LHFPL6: variants seen among roughly 807,000 people sequenced by gnomAD.
LHFPL6 encodes LHFPL tetraspan subfamily member 6, also known as LHFPL tetraspan subfamily member 6 protein.
LHFPL6 carries 9 observed loss-of-function variants against 20.6 expected under a neutral mutation model. That is an observed-to-expected ratio of 0.44 (90% confidence interval 0.26 to 0.76). The LOEUF is 0.76. Among genes scored for constraint, LHFPL6 ranks in the 30% least tolerant of loss-of-function variants. LHFPL6 has a pLI of 0.20. For missense variants in LHFPL6, 218 were observed against 253.5 expected, an observed-to-expected ratio of 0.86 and a Z score of 0.95; for synonymous variants, 105 against 98.7, an observed-to-expected ratio of 1.06 and a Z score of -0.38.
chr13:39,513,307 C>A (rs1417213972), intron 2 of LHFPL6, among the ~76,000 whole-genome samples: 1 of 152,144 alleles, frequency 6.6e-6, no homozygotes, highest in African/African-American at 2.4e-5. Context: ...TGACCTAAAA[C>A]AATTATTGTG....
chr13:39,419,133 C>T (rs149234563), intron 2 of LHFPL6, among the ~76,000 whole-genome samples: 149 of 152,302 alleles, frequency 9.8e-4, no homozygotes, highest in African/African-American at 3.4e-3. Flanking sequence ...TACTTAGCTT[C>T]TGGAGACAGC....
chr13:39,538,190 A>G (rs1409215382), intron 2 of LHFPL6, among the ~76,000 whole-genome samples: 1 of 151,596 alleles, frequency 6.6e-6, no homozygotes, highest in Non-Finnish European at 1.5e-5. Flanking sequence ...GGGTTTCACC[A>G]TGTTGGGCAG....
At chr13:39,447,519 T>C (rs9576803) in intron 2 of LHFPL6, among the ~76,000 whole-genome samples, 6,065 of 152,274 alleles carry the variant, frequency 0.04, 258 homozygotes, top group East Asian at 0.15. Context: ...ATACTGTGTG[T>C]CCTAAATGAA....
intron 2 of LHFPL6, among the ~76,000 whole-genome samples, chr13:39,440,949 G>T (rs1357048481): frequency 6.6e-6 from 1 of 151,952 alleles, no homozygotes; most frequent in East Asian, 1.9e-4. Flanking sequence ...CGCCATGTTA[G>T]ATGTGCCTTT....
chr13:39,494,842 A>C (rs1453751754), intron 2 of LHFPL6, among the ~76,000 whole-genome samples: 1 of 152,202 alleles, frequency 6.6e-6, no homozygotes, highest in Admixed American at 6.5e-5. Context: ...TCTCTGACTG[A>C]GATTATGGGC....
At chr13:39,497,406 G>T (rs544724779) in intron 2 of LHFPL6, among the ~76,000 whole-genome samples, 41 of 152,242 alleles carry the variant, frequency 2.7e-4, no homozygotes, top group South Asian at 1.7e-3. Context: ...CAGAGAGAAC[G>T]CTCCTATTTA....
intron 2 of LHFPL6, among the ~76,000 whole-genome samples, chr13:39,513,569 G>A (rs1001500162): frequency 1.3e-5 from 2 of 152,196 alleles, no homozygotes; most frequent in Non-Finnish European, 2.9e-5. Context: ...AAGCCATGGA[G>A]AAATGTCAAA....
chr13:39,555,248 A>T (rs866046156), intron 2 of LHFPL6, among the ~76,000 whole-genome samples: 60 of 152,022 alleles, frequency 3.9e-4, no homozygotes, highest in African/African-American at 1.4e-3. Flanking sequence ...TCTGTCTGAC[A>T]TATTGGGCAG....
intron 2 of LHFPL6, among the ~76,000 whole-genome samples, chr13:39,593,371 CAA>C (rs927287857): frequency 8.8e-4 from 134 of 152,240 alleles, no homozygotes; most frequent in African/African-American, 3.0e-3. Flanking sequence ...ACAATTGCTT[CAA>C]AGAGAATAAA....
intron 2 of LHFPL6, among the ~76,000 whole-genome samples, chr13:39,560,766 C>A (rs1871453515): frequency 6.6e-6 from 1 of 152,096 alleles, no homozygotes; most frequent in Non-Finnish European, 1.5e-5. Flanking sequence ...CCGCCCACCT[C>A]GGCCTCCCAA....
chr13:39,419,649 G>T (rs1338805391), intron 2 of LHFPL6, among the ~76,000 whole-genome samples: 2 of 151,962 alleles, frequency 1.3e-5, no homozygotes, highest in African/African-American at 2.4e-5. Context: ...TTTTTTTAAA[G>T]GTTTTAATCA....
chr13:39,347,436 G>C (rs1869439864), intron 3 of LHFPL6, among the ~76,000 whole-genome samples: 2 of 152,236 alleles, frequency 1.3e-5, no homozygotes. Context: ...AGTAAGTCTA[G>C]CATTTTAAGA....
At chr13:39,359,207 A>G (rs1167424137) in intron 3 of LHFPL6, among the ~76,000 whole-genome samples, 1 of 152,148 alleles carries the variant, frequency 6.6e-6, no homozygotes, top group East Asian at 1.9e-4. Context: ...ACTGTGAAGA[A>G]AAGGGAAATT....
chr13:39,414,657 T>A (rs181808600), intron 2 of LHFPL6, among the ~76,000 whole-genome samples: 8 of 151,762 alleles, frequency 5.3e-5, no homozygotes, highest in African/African-American at 1.2e-4. Flanking sequence ...TGTGGGCTTA[T>A]TTTTTTTGCC....
At chr13:39,426,324 G>A (rs1328010558) in intron 2 of LHFPL6, among the ~76,000 whole-genome samples, 2 of 151,348 alleles carry the variant, frequency 1.3e-5, no homozygotes, top group African/African-American at 4.9e-5. Context: ...GGGTTCAAGC[G>A]ATTCTCCTGC....
intron 2 of LHFPL6, among the ~76,000 whole-genome samples, chr13:39,483,432 T>A (rs1328689777): frequency 6.6e-6 from 1 of 151,598 alleles, no homozygotes; most frequent in African/African-American, 2.4e-5. Context: ...ATGTCATATA[T>A]ACAAAAACAA....
intron 2 of LHFPL6, among the ~76,000 whole-genome samples, chr13:39,472,933 C>T (rs1872987294): frequency 6.6e-6 from 1 of 152,134 alleles, no homozygotes; most frequent in South Asian, 2.1e-4. Flanking sequence ...AACAACAGGC[C>T]TTCACTAGTA....
chr13:39,415,390 T>C (rs1871322570), intron 2 of LHFPL6, among the ~76,000 whole-genome samples: 1 of 152,092 alleles, frequency 6.6e-6, no homozygotes, highest in Non-Finnish European at 1.5e-5. Context: ...TGTGCATGTG[T>C]ATGCACATGC....
intron 2 of LHFPL6, among the ~76,000 whole-genome samples, chr13:39,394,075 G>A (rs1870777328): frequency 6.6e-6 from 1 of 152,070 alleles, no homozygotes; most frequent in Non-Finnish European, 1.5e-5. Context: ...CATATAGCTG[G>A]GACTACAGGC....
Sources: allele counts gnomAD v4.1 joint callset (sites outside exome capture counted in the v4.1 genomes callset), GRCh38; gene constraint gnomAD v4.1.1; transcripts MANE v1.5; gene names NCBI Gene and HGNC (gene_info 2026-07-23, HGNC 2026-07-21).